Variants in SAV1 observed in about 807,000 individuals in gnomAD.
SAV1 encodes protein salvador homolog 1.
A neutral mutation model predicts 47.3 loss-of-function variants in SAV1; 23 were observed. The ratio of observed to expected loss-of-function variants is 0.49; its 90% confidence interval spans 0.35 to 0.69. SAV1 has a LOEUF of 0.69. Among genes scored for constraint, SAV1 ranks in the 30% least tolerant of loss-of-function variants. The pLI, the probability that SAV1 is intolerant of heterozygous loss-of-function variation, is 0.01. For missense variants in SAV1, 448 were observed against 457.4 expected, an observed-to-expected ratio of 0.98 and a Z score of 0.19; for synonymous variants, 155 against 159.2, an observed-to-expected ratio of 0.97 and a Z score of 0.20.
chr14:50,642,640 GA>G (rs950037230), intron 3 of SAV1, among the ~76,000 whole-genome samples: 25 of 151,790 alleles, frequency 1.6e-4, no homozygotes, highest in Admixed American at 5.3e-4. Flanking sequence ...AAGTTAGGGA[GA>G]AAAAAAAGAA....
At chr14:50,645,251 A>T (rs1040763863) in intron 2 of SAV1, among the ~76,000 whole-genome samples, 32 of 152,270 alleles carry the variant, frequency 2.1e-4, no homozygotes, top group African/African-American at 7.7e-4. Context: ...TGATGCTTCC[A>T]TCAACAGGCC....
rs11288683 is a variant in SAV1 at position 50,656,440 on chromosome 14, ATT to A, written c.535+8737_535+8738del. ...TAATTTCAAAACATACCCCAACTGT[ATT>A]TTTTTTTTTTTTTTTTTGAGATGGA... On this transcript the variant is annotated intron_variant, in intron 2 of 4. Transcript: ENST00000324679. Among the ~76,000 whole-genome samples the A allele has an allele frequency of 7.8e-3, 936 of 120,552 alleles. 7 individuals are homozygous for A. Among genetic ancestry groups the A allele is most frequent in the African/African-American group, 0.022 (728 of 32,836 alleles). The allele number at this position is 120,552 out of a possible 152,430, so 79.1% of individuals were successfully genotyped here.
intron 3 of SAV1, among the ~76,000 whole-genome samples, chr14:50,643,427 G>T (rs1000535205): frequency 4.6e-5 from 7 of 152,070 alleles, no homozygotes. Flanking sequence ...AGAAAGAAGG[G>T]GGAACTGCCA....
At chr14:50,649,149 T>G (rs1475383946) in intron 2 of SAV1, among the ~76,000 whole-genome samples, 1 of 152,224 alleles carries the variant, frequency 6.6e-6, no homozygotes, top group Admixed American at 6.5e-5. Context: ...GATATTCTCT[T>G]GGCTCACTCT....
At chr14:50,658,224 T>G (rs1232325470) in intron 2 of SAV1, among the ~76,000 whole-genome samples, 2 of 152,236 alleles carry the variant, frequency 1.3e-5, no homozygotes, top group African/African-American at 4.8e-5. Flanking sequence ...ATCCAGTATT[T>G]CTTGATAAAG....
At chr14:50,660,644 A>G (rs2039851057) in intron 2 of SAV1, among the ~76,000 whole-genome samples, 2 of 152,142 alleles carry the variant, frequency 1.3e-5, no homozygotes, top group African/African-American at 4.8e-5. Context: ...CCTCTCTTTT[A>G]GCTATTTCAA....
intron 1 of SAV1, among the ~76,000 whole-genome samples, chr14:50,665,928 A>C (rs1404692105): frequency 6.6e-6 from 1 of 152,226 alleles, no homozygotes; most frequent in South Asian, 2.1e-4. Context: ...TATGAACTAC[A>C]CATTAATGAA....
intron 2 of SAV1, among the ~76,000 whole-genome samples, chr14:50,650,458 G>A (rs1003682265): frequency 1.3e-5 from 2 of 152,204 alleles, no homozygotes; most frequent in Non-Finnish European, 2.9e-5. Context: ...AGCCAGTAAG[G>A]TGAACCTGGG....
chr14:50,642,254 G>T (rs1025851588), intron 3 of SAV1, among the ~76,000 whole-genome samples: 3 of 152,012 alleles, frequency 2.0e-5, no homozygotes, highest in Non-Finnish European at 2.9e-5. Flanking sequence ...TCAGGGACCG[G>T]GCGTGATGGC....
At chr14:50,639,577 A>G (rs1354629576) in intron 4 of SAV1, among the ~76,000 whole-genome samples, 4 of 152,186 alleles carry the variant, frequency 2.6e-5, no homozygotes, top group Non-Finnish European at 5.9e-5. Context: ...CCTATTTGCT[A>G]GTTTCCTTGA....
intron 2 of SAV1, chr14:50,662,779 T>C (rs1046709810): frequency 8.5e-5 from 13 of 152,232 alleles, no homozygotes; most frequent in African/African-American, 1.7e-4. Context: ...GTGGGAAAGG[T>C]GAACGCAAAG....
chr14:50,660,273 C>T (rs2039847523), intron 2 of SAV1, among the ~76,000 whole-genome samples: 2 of 152,162 alleles, frequency 1.3e-5, no homozygotes, highest in Admixed American at 1.3e-4. Flanking sequence ...AGCACCCATC[C>T]CCTAGCCCCC....
intron 3 of SAV1, 28 bp from the exon 4 acceptor site, chr14:50,640,921 G>A (rs1229652059): frequency 7.1e-6 from 11 of 1,551,334 alleles, no homozygotes; most frequent in South Asian, 1.2e-5. Context: ...ACATTCTTTA[G>A]GATAAAGGTC....
At chr14:50,643,590 AAC>A (rs1253960882) in intron 3 of SAV1, among the ~76,000 whole-genome samples, 2 of 152,328 alleles carry the variant, frequency 1.3e-5, no homozygotes, top group African/African-American at 4.8e-5. Flanking sequence ...CACAGAGCCA[AAC>A]CATGTCAACG....
chr14:50,661,525 G>A (rs930067232), intron 2 of SAV1, among the ~76,000 whole-genome samples: 1 of 152,240 alleles, frequency 6.6e-6, no homozygotes, highest in East Asian at 1.9e-4. Flanking sequence ...TTAGATCGAT[G>A]TCCTGAAGTG....
intron 2 of SAV1, 24 bp downstream of exon 2, chr14:50,665,155 A>G (rs185853737): frequency 6.7e-7 from 1 of 1,494,466 alleles, no homozygotes; most frequent in Non-Finnish European, 9.0e-7. Flanking sequence ...ATAAACTACT[A>G]TATTATTTAT....
At chr14:50,654,128 T>A (rs1271466374) in intron 2 of SAV1, among the ~76,000 whole-genome samples, 1 of 152,178 alleles carries the variant, frequency 6.6e-6, no homozygotes, top group East Asian at 1.9e-4. Context: ...AAAACAACAA[T>A]GAAGTTTGCT....
chr14:50,653,635 C>T lies in SAV1; in HGVS notation c.536-8621G>A, dbSNP rs190780891. Among the ~76,000 whole-genome samples the T allele has an allele frequency of 6.4e-4, 98 of 152,252 alleles. No homozygotes were observed. The East Asian group carries it at 0.018, about 27-fold the overall frequency. On this transcript the variant is annotated intron_variant, in intron 2 of 4. Coordinates refer to ENST00000324679, the MANE Select transcript of SAV1 (RefSeq NM_021818.4). ...CCTGTAATCCCAGCACTTTGGGAGG[C>T]CGAGGCAGGTGTATCACGAGGTCAA...
Position 50,634,911 on chromosome 14 carries a change from C to T in SAV1, c.*272G>A. ...CCTATTTAACATCTGTTCATAATGA[C>T]ATTTCCGCTGCGTTTTTTTCCATCA... On this transcript the variant is annotated 3_prime_UTR_variant, in exon 5 of 5. Coordinates refer to ENST00000324679, the MANE Select transcript of SAV1 (RefSeq NM_021818.4). 3.0e-6 allele frequency: 1 copy of T among 333,894 alleles called. No homozygotes were observed. Among genetic ancestry groups the T allele is most frequent in the South Asian group, 4.1e-5 (1 of 24,460 alleles). The allele number at this position is 333,894 out of a possible 1,614,324, so 20.7% of individuals were successfully genotyped here.
Sources: gnomAD v4.1 joint callset for allele counts (sites outside exome capture counted in the v4.1 genomes callset) on GRCh38, gnomAD v4.1.1 for gene constraint, MANE v1.5 for transcripts, NCBI Gene and HGNC (gene_info 2026-07-23, HGNC 2026-07-21) for gene names.